FRAT1: variants seen among roughly 807,000 people sequenced by gnomAD.
FRAT1 encodes the protein proto-oncogene FRAT1.
FRAT1 carries 9 observed loss-of-function variants against 16.9 expected under a neutral mutation model. The observed-to-expected ratio is 0.53, with a 90% CI of 0.32 to 0.93. The LOEUF (loss-of-function observed/expected upper bound fraction) is 0.93. FRAT1 is among the 40% of genes least tolerant of loss of function. The pLI is 0.04. For missense variants in FRAT1, 354 were observed against 402.8 expected (o/e 0.88, Z 1.04); for synonymous variants, 191 against 202.1 (o/e 0.95, Z 0.46).
In FRAT1 at chr10:97,319,676, G is replaced by T; in HGVS notation, c.223G>T (p.Gly75Trp). Reference sequence around the variant, plus strand: ...CCCGGGGGCGCCGCTGCGGGCCCCGGGGCCCCTGGCTGCGGCGGTGCCGGC... The same window carrying T: ...CCCGGGGGCGCCGCTGCGGGCCCCGTGGCCCCTGGCTGCGGCGGTGCCGGC... ...GPPGAPLRAPGPLAAAVPADK... is the reference protein window; with the variant it reads ...GPPGAPLRAPWPLAAAVPADK... Residue 75 changes from glycine to tryptophan, a missense_variant, in exon 1 of 1, where the codon GGG becomes TGG. Physicochemically the swap from Gly to Trp is radical, Grantham distance 184 (BLOSUM62 -2). Around this residue, in one of 3 missense-constraint regions of FRAT1, gnomAD observed 286 missense variants for 311.0 expected, o/e 0.92. Coordinates refer to ENST00000371021, the MANE Select transcript of FRAT1 (RefSeq NM_005479.4). 3.4e-6 allele frequency: 4 copies of T among 1,182,958 alleles called. No individual in the cohort carries two copies. Among genetic ancestry groups the T allele is most frequent in the Non-Finnish European group, 4.2e-6 (4 of 957,982 alleles). 73.3% of individuals were successfully genotyped at this position (1,182,958 alleles called of 1,614,324 possible). A position where few individuals can be genotyped will look rare whatever the true frequency, so the allele number is the denominator to read the frequency against.
In FRAT1 at chr10:97,320,853, CCCTTT is replaced by C. The variant is rs1843454967; in HGVS notation, c.*561_*565del. Reference sequence around the variant, plus strand: ...CCAAACATGCGGTGCCATGAAGGGACCCTTTGGGGGTTGAATAGGAGTTAACCCCT... The same window carrying C: ...CCAAACATGCGGTGCCATGAAGGGACGGGGGTTGAATAGGAGTTAACCCCT... On this transcript the variant is annotated 3_prime_UTR_variant, in exon 1 of 1. Coordinates refer to ENST00000371021, the MANE Select transcript of FRAT1 (RefSeq NM_005479.4). The C allele has an allele frequency of 6.0e-6, 1 of 167,334 alleles. No homozygotes were observed. The highest frequency in any genetic ancestry group is 2.4e-5 in the African/African-American group (1 of 41,372). 10.4% of individuals were successfully genotyped at this position (167,334 alleles called of 1,614,324 possible).
Position 97,321,883 on chromosome 10 carries a change from G to T in FRAT1, c.*1590G>T. The T allele has an allele frequency of 6.0e-6, 1 of 166,714 alleles. No homozygotes were observed. 10.3% of individuals were successfully genotyped at this position (166,714 alleles called of 1,614,324 possible). A position where few individuals can be genotyped will look rare whatever the true frequency, so the allele number is the denominator to read the frequency against. ...AAAGATGTACAGAACACATTTCTCT[G>T]ATCTCCATAAACATGAAAACACTTG... is the stretch of plus-strand genomic sequence containing the variant. On this transcript the variant is annotated 3_prime_UTR_variant, in exon 1 of 1. Coordinates refer to ENST00000371021, the MANE Select transcript of FRAT1 (RefSeq NM_005479.4).
At position 97,321,172 on chromosome 10, in the gene FRAT1, A is replaced by G. The variant is rs1388574624; in HGVS notation, c.*879A>G. On this transcript the variant is annotated 3_prime_UTR_variant, in exon 1 of 1. Coordinates refer to ENST00000371021, the MANE Select transcript of FRAT1 (RefSeq NM_005479.4). ...TTGCAAGTGCTGGAGTCTCCTGAGG[A>G]CACGCGCGTCGCCGCCACCGCGGGT... 9 of 166,772 alleles carry G rather than the reference A, an allele frequency of 5.4e-5. No individual in the cohort carries two copies. 10.3% of individuals were successfully genotyped at this position (166,772 alleles called of 1,614,324 possible).
rs754820464 is a variant in FRAT1, at chr10:97,320,152, A to G, written c.699A>G (p.Gln233=). ...TGCAGTTACGTGCAAAGCTTCCCCAACGCCCGCTCCTGGGACCTCTGTCGG... is the reference window on the plus strand; with the variant it reads ...TGCAGTTACGTGCAAAGCTTCCCCAGCGCCCGCTCCTGGGACCTCTGTCGG... ...RRLQLRAKLP[Q]RPLLGPLSAP... is the part of the protein sequence containing the mutation. The change falls in exon 1 of 1, where the codon CAA becomes CAG. Residue 233 remains glutamine (Q), a synonymous_variant. Coordinates refer to ENST00000371021, the MANE Select transcript of FRAT1 (RefSeq NM_005479.4). 8.7e-6 allele frequency: 14 copies of G among 1,612,452 alleles called. No homozygotes were observed. Among genetic ancestry groups the G allele is most frequent in the Admixed American group, 1.7e-5 (1 of 59,932 alleles).
rs1843451918 is a variant in FRAT1, at chr10:97,320,532, C to T, written c.*239C>T. On this transcript the variant is annotated 3_prime_UTR_variant, in exon 1 of 1. Coordinates refer to ENST00000371021, the MANE Select transcript of FRAT1 (RefSeq NM_005479.4). ...CAGATTTTACAGAGCGCACCTCAAA[C>T]GTACAAGTCAGTAGGACTCCTTATT... The T allele has an allele frequency of 1.9e-6, 1 of 534,896 alleles. No homozygotes were observed. The highest frequency in any genetic ancestry group is 3.8e-5 in the Admixed American group (1 of 26,172). The allele number at this position is 534,896 out of a possible 1,614,324, so 33.1% of individuals were successfully genotyped here.
chr10:97,320,053 C>T lies in FRAT1; in HGVS notation c.600C>T (p.His200=). 1 of 1,585,042 alleles carries T rather than the reference C, an allele frequency of 6.3e-7. No homozygotes were observed. The highest frequency in any genetic ancestry group is 8.6e-7 in the Non-Finnish European group (1 of 1,166,426). Residue 200 remains histidine (H), a synonymous_variant, in exon 1 of 1, where the codon CAC becomes CAT. Transcript: ENST00000371021. ...PETRTGDDDP[H]RLLQQLVLSG... ...CCCGCACAGGCGACGACGACCCGCA[C>T]CGGCTTCTGCAGCAGCTAGTGCTCT...
Position 97,320,535 on chromosome 10 carries a change from A to G in FRAT1, c.*242A>G, listed in dbSNP as rs1207339903. On this transcript the variant is annotated 3_prime_UTR_variant, in exon 1 of 1. Transcript: ENST00000371021. ...ATTTTACAGAGCGCACCTCAAACGTACAAGTCAGTAGGACTCCTTATTTGG... is the reference window on the plus strand; with the variant it reads ...ATTTTACAGAGCGCACCTCAAACGTGCAAGTCAGTAGGACTCCTTATTTGG... The G allele has an allele frequency of 3.8e-6, 2 of 531,434 alleles. No individual in the cohort carries two copies. The highest frequency in any genetic ancestry group is 6.7e-6 in the Non-Finnish European group (2 of 296,804). 32.9% of individuals were successfully genotyped at this position (531,434 alleles called of 1,614,324 possible). A position where few individuals can be genotyped will look rare whatever the true frequency, so the allele number is the denominator to read the frequency against.
rs943760485 is a variant in FRAT1 at position 97,321,675 on chromosome 10, G to A, written c.*1382G>A. On this transcript the variant is annotated 3_prime_UTR_variant, in exon 1 of 1. Coordinates refer to ENST00000371021, the MANE Select transcript of FRAT1 (RefSeq NM_005479.4). ...GCGCTGAGACTGTGCTGTTGTTCTC[G>A]TTTTTATAGTCAATGGCTTGTTCAT... 2.4e-5 allele frequency: 4 copies of A among 167,108 alleles called. No homozygotes were observed. The highest frequency in any genetic ancestry group is 6.5e-5 in the Admixed American group (1 of 15,270). 10.4% of individuals were successfully genotyped at this position (167,108 alleles called of 1,614,324 possible).
Position 97,320,136 on chromosome 10 carries a change from G to A in FRAT1, c.683G>A (p.Arg228His), listed in dbSNP as rs758537048. ...CTTCATTCGCGACGGCTGCAGTTACGTGCAAAGCTTCCCCAACGCCCGCTC... is the reference window on the plus strand; with the variant it reads ...CTTCATTCGCGACGGCTGCAGTTACATGCAAAGCTTCCCCAACGCCCGCTC... ...RRLHSRRLQLRAKLPQRPLLG... is the reference protein window; with the variant it reads ...RRLHSRRLQLHAKLPQRPLLG... The change falls in exon 1 of 1, where the codon CGT becomes CAT. Residue 228 changes from arginine to histidine, a missense_variant. Coordinates refer to ENST00000371021, the MANE Select transcript of FRAT1 (RefSeq NM_005479.4). 4 of 1,612,248 alleles carry A rather than the reference G, an allele frequency of 2.5e-6. No individual in the cohort carries two copies. Among genetic ancestry groups the A allele is most frequent in the Admixed American group, 1.7e-5 (1 of 59,878 alleles).
chr10:97,321,666 G>A lies in FRAT1; in HGVS notation c.*1373G>A, dbSNP rs1295355496. 6.0e-6 allele frequency: 1 copy of A among 167,112 alleles called. No individual in the cohort carries two copies. Among genetic ancestry groups the A allele is most frequent in the African/African-American group, 2.4e-5 (1 of 41,440 alleles). The allele number at this position is 167,112 out of a possible 1,614,324, so 10.4% of individuals were successfully genotyped here. A position where few individuals can be genotyped will look rare whatever the true frequency, so the allele number is the denominator to read the frequency against. ...ACTCTAAAGGCGCTGAGACTGTGCTGTTGTTCTCGTTTTTATAGTCAATGG... is the reference window on the plus strand; with the variant it reads ...ACTCTAAAGGCGCTGAGACTGTGCTATTGTTCTCGTTTTTATAGTCAATGG... On this transcript the variant is annotated 3_prime_UTR_variant, in exon 1 of 1. Coordinates refer to ENST00000371021, the MANE Select transcript of FRAT1 (RefSeq NM_005479.4).
Position 97,319,420 on chromosome 10 carries a change from G to T in FRAT1, c.-34G>T, listed in dbSNP as rs1480030862. ...CGCCGGCAGCCGAGCCCCCAGCGAC[G>T]CCCGCACAGCTCCGGGTGCCCAGAC... On this transcript the variant is annotated 5_prime_UTR_variant, in exon 1 of 1. Coordinates refer to ENST00000371021, the MANE Select transcript of FRAT1 (RefSeq NM_005479.4). 8 of 1,340,504 alleles carry T rather than the reference G, an allele frequency of 6.0e-6. No homozygotes were observed. In the Admixed American group the frequency reaches 1.1e-4, roughly 18 times the overall value. The allele number at this position is 1,340,504 out of a possible 1,614,324, so 83.0% of individuals were successfully genotyped here. A position where few individuals can be genotyped will look rare whatever the true frequency, so the allele number is the denominator to read the frequency against.
In FRAT1 at chr10:97,320,554, T is replaced by C. The variant is rs1043443157; in HGVS notation, c.*261T>C. On this transcript the variant is annotated 3_prime_UTR_variant, in exon 1 of 1. Coordinates refer to ENST00000371021, the MANE Select transcript of FRAT1 (RefSeq NM_005479.4). The stretch of plus-strand genomic sequence containing the variant: ...AAACGTACAAGTCAGTAGGACTCCT[T>C]ATTTGGCGTGACCCGACCTGGCCGC... The C allele has an allele frequency of 5.1e-5, 23 of 447,010 alleles. No individual in the cohort carries two copies. The highest frequency in any genetic ancestry group is 8.9e-5 in the Non-Finnish European group (22 of 246,530). The allele number at this position is 447,010 out of a possible 1,614,324, so 27.7% of individuals were successfully genotyped here.
Position 97,320,121 on chromosome 10 carries a change from G to A in FRAT1, c.668G>A (p.Arg223Gln), listed in dbSNP as rs761030632. ...IKEAVRRLHS[R>Q]RLQLRAKLPQ... ...GAGGCCGTGCGAAGGCTTCATTCGC[G>A]ACGGCTGCAGTTACGTGCAAAGCTT... is the stretch of plus-strand genomic sequence containing the variant. The change falls in exon 1 of 1, where the codon CGA becomes CAA. Residue 223 changes from arginine to glutamine, a missense_variant. Around this residue, in one of 3 missense-constraint regions of FRAT1, gnomAD observed 286 missense variants for 311.0 expected, o/e 0.92. Coordinates refer to ENST00000371021, the MANE Select transcript of FRAT1 (RefSeq NM_005479.4). 5 of 1,610,396 alleles carry A rather than the reference G, an allele frequency of 3.1e-6. No individual in the cohort carries two copies. In the African/African-American group the frequency reaches 4.0e-5, roughly 13 times the overall value.
Position 97,320,889 on chromosome 10 carries a change from C to G in FRAT1, c.*596C>G. ...TTGAATAGGAGTTAACCCCTGCGCT[C>G]TCTTTGCAACTGTCTCTCTTCTCAG... On this transcript the variant is annotated 3_prime_UTR_variant, in exon 1 of 1. Coordinates refer to ENST00000371021, the MANE Select transcript of FRAT1 (RefSeq NM_005479.4). 1 of 166,486 alleles carries G rather than the reference C, an allele frequency of 6.0e-6. No individual in the cohort carries two copies. 10.3% of individuals were successfully genotyped at this position (166,486 alleles called of 1,614,324 possible).
rs1432179617 is a variant in FRAT1, at chr10:97,319,297, C to G, written c.-157C>G. On this transcript the variant is annotated 5_prime_UTR_variant, in exon 1 of 1. Transcript: ENST00000371021. ...GGCTCCCGCGGCTGCAGGCGCGCGG[C>G]TAGAGTGCCTGGCGGGCTCCGGCTT... is the stretch of plus-strand genomic sequence containing the variant. The G allele has an allele frequency of 9.9e-7, 1 of 1,008,340 alleles. No individual in the cohort carries two copies. Among genetic ancestry groups the G allele is most frequent in the African/African-American group, 1.7e-5 (1 of 59,480 alleles). The allele number at this position is 1,008,340 out of a possible 1,614,324, so 62.5% of individuals were successfully genotyped here. A position where few individuals can be genotyped will look rare whatever the true frequency, so the allele number is the denominator to read the frequency against.
In FRAT1 at chr10:97,319,991, C is replaced by G. The variant is rs761169300; in HGVS notation, c.538C>G (p.Arg180Gly). Residue 180 changes from arginine to glycine, a missense_variant, in exon 1 of 1, where the codon CGC becomes GGC. Physicochemically the swap from Arg to Gly is moderately radical, Grantham distance 125. Around this residue, in one of 3 missense-constraint regions of FRAT1, gnomAD observed 286 missense variants for 311.0 expected, o/e 0.92. Coordinates refer to ENST00000371021, the MANE Select transcript of FRAT1 (RefSeq NM_005479.4). ...ATGGCTCCGGGGCGCCGCCGCCTCC[C>G]GCCGCCTGCAGCAGCGACGCGGGTC... ...RGWLRGAAAS[R>G]RLQQRRGSQP... is the part of the protein sequence containing the mutation. 6.5e-7 allele frequency: 1 copy of G among 1,549,136 alleles called. No individual in the cohort carries two copies. Among genetic ancestry groups the G allele is most frequent in the Non-Finnish European group, 8.7e-7 (1 of 1,148,318 alleles).
At position 97,319,336 on chromosome 10, in the gene FRAT1, G is replaced by A. The variant is rs1300161943; in HGVS notation, c.-118G>A. 4.1e-6 allele frequency: 5 copies of A among 1,216,572 alleles called. No individual in the cohort carries two copies. Among genetic ancestry groups the A allele is most frequent in the Non-Finnish European group, 5.1e-6 (5 of 972,796 alleles). 75.4% of individuals were successfully genotyped at this position (1,216,572 alleles called of 1,614,324 possible). ...GGGCTCCGGCTTCCGCGTCCGCCCCGGCCCCGGTCCAGACTTAGTCTTCAG... is the reference window on the plus strand; with the variant it reads ...GGGCTCCGGCTTCCGCGTCCGCCCCAGCCCCGGTCCAGACTTAGTCTTCAG... On this transcript the variant is annotated 5_prime_UTR_variant, in exon 1 of 1. Coordinates refer to ENST00000371021, the MANE Select transcript of FRAT1 (RefSeq NM_005479.4).
rs1843434861 is a variant in FRAT1, at chr10:97,319,308, G to T, written c.-146G>T. 9.0e-7 allele frequency: 1 copy of T among 1,110,606 alleles called. No homozygotes were observed. Among genetic ancestry groups the T allele is most frequent in the Non-Finnish European group, 1.1e-6 (1 of 877,778 alleles). The allele number at this position is 1,110,606 out of a possible 1,614,324, so 68.8% of individuals were successfully genotyped here. ...CTGCAGGCGCGCGGCTAGAGTGCCT[G>T]GCGGGCTCCGGCTTCCGCGTCCGCC... On this transcript the variant is annotated 5_prime_UTR_variant, in exon 1 of 1. Transcript: ENST00000371021.
Position 97,321,760 on chromosome 10 carries a change from T to G in FRAT1, c.*1467T>G, listed in dbSNP as rs1006374489. On this transcript the variant is annotated 3_prime_UTR_variant, in exon 1 of 1. Transcript: ENST00000371021. ...GCACCGGAGTGTCTGGAATTGTGGCTATCCTGATTATAGGATTTTAACTTA... is the reference window on the plus strand; with the variant it reads ...GCACCGGAGTGTCTGGAATTGTGGCGATCCTGATTATAGGATTTTAACTTA... 7 of 167,150 alleles carry G rather than the reference T, an allele frequency of 4.2e-5. No homozygotes were observed. The highest frequency in any genetic ancestry group is 1.0e-4 in the Non-Finnish European group (7 of 68,126). The allele number at this position is 167,150 out of a possible 1,614,324, so 10.4% of individuals were successfully genotyped here.
Sources: allele counts gnomAD v4.1 joint callset, GRCh38; gene constraint gnomAD v4.1.1; regional missense constraint gnomAD v4.1.1; transcripts MANE v1.5; gene names NCBI Gene and HGNC (gene_info 2026-07-23, HGNC 2026-07-21).